The following CHD8 variants were observed in gnomAD, a reference collection of about 807,000 sequenced individuals.
CHD8 encodes ATP-dependent chromatin remodeler CHD8.
A neutral mutation model predicts 279.2 loss-of-function variants in CHD8; 31 were observed. The ratio of observed to expected loss-of-function variants is 0.11; its 90% CI spans 0.08 to 0.15. The LOEUF is 0.15. Among genes scored for constraint, CHD8 ranks in the 10% least tolerant of loss-of-function variants. The pLI, the probability that CHD8 is intolerant of heterozygous loss-of-function variation, is 1.00. For synonymous variants in CHD8, 1,081 were observed against 1,139.6 expected (o/e 0.95, Z 1.04); for missense variants, 2,146 against 3,230.5 (o/e 0.66, Z 8.14).
In CHD8 at chr14:21,428,237, C is replaced by T; in HGVS notation, c.1233G>A (p.Gly411=). ...TAACTACAGAGAGCCCAGAAGAGGC[C>T]CCTTGGGAAGAGCCAGCCTATAGAA... ...VLQPQAGSSQ[G]ASSGLSVVKV... The change falls in exon 4 of 38, where the codon GGG becomes GGA. Residue 411 remains glycine (G), a synonymous_variant. Coordinates refer to ENST00000646647, the MANE Select transcript of CHD8 (RefSeq NM_001170629.2). 2 of 1,613,714 alleles carry T rather than the reference C, an allele frequency of 1.2e-6. No homozygotes were observed. Among genetic ancestry groups the T allele is most frequent in the South Asian group, 1.1e-5 (1 of 91,080 alleles).
chr14:21,448,593 G>A (rs1426926992), intron 1 of CHD8, among the ~76,000 whole-genome samples: 1 of 151,968 alleles, frequency 6.6e-6, no homozygotes, highest in Non-Finnish European at 1.5e-5. Flanking sequence ...CACCGTCTTA[G>A]TCACCCAGGC....
At position 21,405,726 on chromosome 14, in the gene CHD8, C is replaced by T; in HGVS notation, c.3046G>A (p.Glu1016Lys). The change falls in exon 15 of 38, where the codon GAA becomes AAA. Residue 1016 changes from glutamate to lysine, a missense_variant. Glu to Lys is a moderately conservative substitution (Grantham distance 56, BLOSUM62 1). Around this residue, in one of 26 missense-constraint regions of CHD8, gnomAD observed 211 missense variants for 464.7 expected, o/e 0.45. Transcript: ENST00000646647. This position sits in a 1 kb window ranked among gnomAD's most constrained non-coding sequence, Gnocchi z 4.2. ...TCATCAGATAGATTTCCTACCTGTT[C>T]CTCTGTCTTGAGATCCCCAAAGTCC... is the stretch of plus-strand genomic sequence containing the variant. ...LKDFGDLKTEEQVQKLQAILK... is the reference protein window; with the variant it reads ...LKDFGDLKTEKQVQKLQAILK... 1 of 1,613,540 alleles carries T rather than the reference C, an allele frequency of 6.2e-7. No homozygotes were observed. Among genetic ancestry groups the T allele is most frequent in the Non-Finnish European group, 8.5e-7 (1 of 1,179,744 alleles).
chr14:21,409,047 C>T (rs968799509), intron 11 of CHD8, among the ~76,000 whole-genome samples: 8 of 152,142 alleles, frequency 5.3e-5, no homozygotes, highest in South Asian at 2.1e-4. Context: ...AAGGACACAC[C>T]ACCATCTATG....
chr14:21,388,913 TGGG>T (rs758308643), intron 37 of CHD8, among the ~76,000 whole-genome samples: 1 of 152,158 alleles, frequency 6.6e-6, no homozygotes, highest in Non-Finnish European at 1.5e-5. Flanking sequence ...GAAGATCAAA[TGGG>T]GGAATAATTA....
intron 37 of CHD8, among the ~76,000 whole-genome samples, chr14:21,387,622 GA>G (rs1887316482): frequency 7.5e-6 from 1 of 132,998 alleles, no homozygotes; most frequent in African/African-American, 2.8e-5. Flanking sequence ...TGGACAACAA[GA>G]GTGAAACTCT....
intron 35 of CHD8, 81 bp from the exon 36 acceptor site, chr14:21,391,723 C>G (rs1169353578): frequency 4.3e-5 from 65 of 1,519,316 alleles, no homozygotes; most frequent in Non-Finnish European, 5.4e-5. Flanking sequence ...CAATGGTAGT[C>G]ATGAAATGAC....
At chr14:21,397,634 C>T (rs1459211481) in intron 27 of CHD8, 189 bp downstream of exon 27, 1 of 564,722 alleles carries the variant, frequency 1.8e-6, no homozygotes, top group Non-Finnish European at 3.1e-6. Context: ...TCATTTTCAC[C>T]CTCAGATGTA....
intron 34 of CHD8, 164 bp downstream of exon 34, chr14:21,392,343 A>G: frequency 1.3e-6 from 1 of 796,664 alleles, no homozygotes; most frequent in Non-Finnish European, 2.1e-6. Flanking sequence ...AATAAGGAAA[A>G]CAACCAGGAA....
chr14:21,393,404 G>C (rs1369936739), intron 32 of CHD8, 72 bp downstream of exon 32: 1 of 1,496,578 alleles, frequency 6.7e-7, no homozygotes, highest in East Asian at 2.4e-5. Flanking sequence ...TCAAGAGGAT[G>C]CATTTAGAAA....
At chr14:21,387,630 C>G (rs1452015030) in intron 37 of CHD8, among the ~76,000 whole-genome samples, 10 of 127,586 alleles carry the variant, frequency 7.8e-5, no homozygotes, top group African/African-American at 3.0e-4. Flanking sequence ...AAGAGTGAAA[C>G]TCTGTATCAA....
At position 21,405,011 on chromosome 14, in the gene CHD8, T is replaced by C. The variant is rs1888200424; in HGVS notation, c.3307+198A>G. 2 of 574,060 alleles carry C rather than the reference T, an allele frequency of 3.5e-6. No individual in the cohort carries two copies. The highest frequency in any genetic ancestry group is 6.1e-6 in the Non-Finnish European group (2 of 329,210). 35.6% of individuals were successfully genotyped at this position (574,060 alleles called of 1,614,324 possible). On this transcript the variant is annotated intron_variant, in intron 16 of 37. Coordinates refer to ENST00000646647, the MANE Select transcript of CHD8 (RefSeq NM_001170629.2). This position sits in a 1 kb window ranked among gnomAD's most constrained non-coding sequence, Gnocchi z 4.2. Reference sequence around the variant, plus strand: ...CACACCTGGCTAATTTTTGTATTTTTTGTAGAGGTGGGATTTCATCATGTT... The same window carrying C: ...CACACCTGGCTAATTTTTGTATTTTCTGTAGAGGTGGGATTTCATCATGTT...
intron 1 of CHD8, among the ~76,000 whole-genome samples, chr14:21,438,431 TAGAG>T (rs1389890669): frequency 2.7e-5 from 4 of 145,868 alleles, no homozygotes; most frequent in Non-Finnish European, 5.9e-5. Context: ...TCCCAGCACT[TAGAG>T]AGGCCGAGGT....
At position 21,456,094 on chromosome 14, in the gene CHD8, G is replaced by A. The variant is rs1426270521; in HGVS notation, c.-278C>T. The stretch of plus-strand genomic sequence containing the variant: ...TCAACTCACCCTCTCCGAGAACAAG[G>A]CGCCTTCCGGCGGAGCATGGCCAGC... On this transcript the variant is annotated 5_prime_UTR_variant, in exon 1 of 38. Transcript: ENST00000646647. The A allele has an allele frequency of 6.6e-6, 1 of 152,210 alleles. No homozygotes were observed. The highest frequency in any genetic ancestry group is 1.5e-5 in the Non-Finnish European group (1 of 68,158). The allele number at this position is 152,210 out of a possible 1,614,324, so 9.4% of individuals were successfully genotyped here. A position where few individuals can be genotyped will look rare whatever the true frequency, so the allele number is the denominator to read the frequency against.
rs530635278 is a variant in CHD8, at chr14:21,401,901, A to T, written c.4062+56T>A. On this transcript the variant is annotated intron_variant, in intron 20 of 37. Transcript: ENST00000646647. ...ATCCCCAGCATAAAAACATAATTAA[A>T]TCCTAGAGATTCCGGTCTCTGTGTT... 1.7e-4 allele frequency: 253 copies of T among 1,477,552 alleles called. 1 individual carries two copies. The African/African-American group carries it at 3.4e-3, about 20-fold the overall frequency. The allele number at this position is 1,477,552 out of a possible 1,614,324, so 91.5% of individuals were successfully genotyped here. A position where few individuals can be genotyped will look rare whatever the true frequency, so the allele number is the denominator to read the frequency against.
intron 21 of CHD8, 30 bp from the exon 22 acceptor site, chr14:21,401,101 C>A: frequency 6.6e-7 from 1 of 1,506,116 alleles, no homozygotes; most frequent in South Asian, 1.2e-5. Flanking sequence ...AGAAGTAATT[C>A]TCTTCCTGAT....
intron 1 of CHD8, among the ~76,000 whole-genome samples, chr14:21,443,866 A>C (rs1890048654): frequency 1.3e-5 from 2 of 151,754 alleles, no homozygotes; most frequent in East Asian, 1.9e-4. Context: ...AAAAAAAAAA[A>C]AAAAAAAAAA....
intron 4 of CHD8, 101 bp from the exon 5 acceptor site, chr14:21,426,343 A>G: frequency 1.6e-6 from 1 of 628,968 alleles, no homozygotes; most frequent in Non-Finnish European, 2.8e-6. Context: ...ACTTCCAGAC[A>G]GAAGTTTTTA....
At chr14:21,444,690 T>C (rs1366115264) in intron 1 of CHD8, among the ~76,000 whole-genome samples, 2 of 152,112 alleles carry the variant, frequency 1.3e-5, no homozygotes, top group Non-Finnish European at 2.9e-5. Context: ...CTTCAATCTA[T>C]TTAACCACTT....
In CHD8 at chr14:21,392,586, G is replaced by A; in HGVS notation, c.6692C>T (p.Ala2231Val). The change falls in exon 34 of 38, where the codon GCA becomes GTA. Residue 2231 changes from alanine to valine, a missense_variant. Physicochemically the swap from Ala to Val is moderately conservative, Grantham distance 64 (BLOSUM62 0). Around this residue, in one of 26 missense-constraint regions of CHD8, gnomAD observed 513 missense variants for 637.6 expected, o/e 0.80. Transcript: ENST00000646647. ...AASMAEEEAS[A>V]VSTAAAQFTK... ...GAACTGGGCTGCCGCTGTGCTGACT[G>A]CAGATGCTTCCTCCTCTGCCATGGA... 6.2e-7 allele frequency: 1 copy of A among 1,613,828 alleles called. No homozygotes were observed. Among genetic ancestry groups the A allele is most frequent in the Non-Finnish European group, 8.5e-7 (1 of 1,179,886 alleles).
Sources: allele counts gnomAD v4.1 joint callset (sites outside exome capture counted in the v4.1 genomes callset), GRCh38; gene constraint gnomAD v4.1.1; regional missense constraint gnomAD v4.1.1; non-coding constraint Gnocchi (gnomAD v3.1); transcripts MANE v1.5; gene names NCBI Gene and HGNC (gene_info 2026-07-23, HGNC 2026-07-21).